Variants in SNX18 observed in about 807,000 individuals in gnomAD.
SNX18 encodes the protein sorting nexin-18.
In SNX18, 35 loss-of-function variants were observed where a neutral mutation model predicts 48.7. The ratio of observed to expected loss-of-function variants is 0.72; its 90% CI spans 0.55 to 0.95. The LOEUF is 0.95. SNX18 is among the 40% of genes least tolerant of loss of function. The pLI, the probability that SNX18 is intolerant of heterozygous loss-of-function variation, is 0.00. For synonymous variants in SNX18, 492 were observed against 384.7 expected, an observed-to-expected ratio of 1.28 and a Z score of -3.26; for missense variants, 824 against 871.0, an observed-to-expected ratio of 0.95 and a Z score of 0.68.
chr5:54,578,758 A>G, the SNX18 span, among the ~76,000 whole-genome samples: 1 of 152,100 alleles, frequency 6.6e-6, no homozygotes, highest in South Asian at 2.1e-4. Flanking sequence ...ATGACCCCGG[A>G]TCCTTAGGAT....
chr5:54,526,576 T>TA (rs1458182052), intron 1 of SNX18, among the ~76,000 whole-genome samples: 1 of 152,180 alleles, frequency 6.6e-6, no homozygotes, highest in Non-Finnish European at 1.5e-5. Context: ...GAAGGGGAGA[T>TA]AAAATCATTA....
chr5:54,534,934 G>T (rs72765738), intron 1 of SNX18, among the ~76,000 whole-genome samples: 7 of 152,054 alleles, frequency 4.6e-5, no homozygotes, highest in African/African-American at 1.7e-4. Flanking sequence ...AAGTGTTAGC[G>T]TTTACTGATG....
the SNX18 span, among the ~76,000 whole-genome samples, chr5:54,554,515 G>A: frequency 2.6e-5 from 4 of 152,220 alleles, no homozygotes; most frequent in Non-Finnish European, 5.9e-5. Context: ...GTCACAGAGA[G>A]TCAGTGAAGG....
intron 1 of SNX18, among the ~76,000 whole-genome samples, chr5:54,521,366 T>C (rs1191128319): frequency 6.6e-6 from 1 of 152,232 alleles, no homozygotes; most frequent in African/African-American, 2.4e-5. Flanking sequence ...GTGTGTGTTC[T>C]AATATCTATT....
chr5:54,553,665 TTGAC>T, the SNX18 span, among the ~76,000 whole-genome samples: 1 of 152,222 alleles, frequency 6.6e-6, no homozygotes, highest in East Asian at 1.9e-4. Context: ...ATGTAACAGA[TTGAC>T]TGAGGTCAGA....
At chr5:54,561,288 G>T in the SNX18 span, among the ~76,000 whole-genome samples, 2 of 151,748 alleles carry the variant, frequency 1.3e-5, no homozygotes, top group East Asian at 3.9e-4. Flanking sequence ...TGATCCACCC[G>T]CCTCAGCCTC....
the SNX18 span, among the ~76,000 whole-genome samples, chr5:54,571,215 T>C: frequency 1.3e-5 from 2 of 151,844 alleles, no homozygotes; most frequent in African/African-American, 2.4e-5. Context: ...CATGGGCACA[T>C]GGGGAAAGGA....
At chr5:54,590,914 C>T in the SNX18 span, among the ~76,000 whole-genome samples, 2 of 152,070 alleles carry the variant, frequency 1.3e-5, no homozygotes, top group African/African-American at 2.4e-5. Context: ...AGTAAATGTT[C>T]ATTTGATATG....
At chr5:54,552,532 T>C in the SNX18 span, among the ~76,000 whole-genome samples, 3 of 152,206 alleles carry the variant, frequency 2.0e-5, no homozygotes, top group Non-Finnish European at 2.9e-5. Context: ...AACCAAATCA[T>C]CGTCATCTAA....
the SNX18 span, among the ~76,000 whole-genome samples, chr5:54,570,604 C>G: frequency 6.6e-6 from 1 of 152,202 alleles, no homozygotes; most frequent in Non-Finnish European, 1.5e-5. Context: ...TAATCTCTCT[C>G]ATAGACTTCC....
chr5:54,627,929 C>T, the SNX18 span, among the ~76,000 whole-genome samples: 2 of 152,144 alleles, frequency 1.3e-5, no homozygotes, highest in African/African-American at 2.4e-5. Flanking sequence ...TTCTTGAGCT[C>T]CTGGAGCCTT....
downstream of SNX18, among the ~76,000 whole-genome samples, chr5:54,548,056 A>G (rs1035700094): frequency 6.6e-6 from 1 of 152,178 alleles, no homozygotes; most frequent in African/African-American, 2.4e-5. Context: ...AGGTGGGGGA[A>G]GTTAATCTGG....
the SNX18 span, among the ~76,000 whole-genome samples, chr5:54,561,089 C>G: frequency 8.5e-5 from 13 of 152,350 alleles, 2 homozygotes; most frequent in South Asian, 2.7e-3. Flanking sequence ...ATTGCCCAGG[C>G]TGGAGGGCAA....
chr5:54,617,049 A>T, the SNX18 span, among the ~76,000 whole-genome samples: 4 of 152,188 alleles, frequency 2.6e-5, no homozygotes, highest in African/African-American at 9.7e-5. Context: ...AGGTCTCTTG[A>T]TTTTGAGATA....
the SNX18 span, among the ~76,000 whole-genome samples, chr5:54,558,850 G>A: frequency 6.6e-6 from 1 of 152,004 alleles, no homozygotes; most frequent in African/African-American, 2.4e-5. Context: ...GGTTTACCTG[G>A]TACCCATGTT....
chr5:54,590,864 G>A, the SNX18 span, among the ~76,000 whole-genome samples: 1 of 152,102 alleles, frequency 6.6e-6, no homozygotes, highest in East Asian at 1.9e-4. Flanking sequence ...AGCATGGCAT[G>A]GTTATCTCCT....
intron 1 of SNX18, among the ~76,000 whole-genome samples, chr5:54,536,537 T>TG (rs1231443973): frequency 6.6e-6 from 1 of 152,200 alleles, no homozygotes. Flanking sequence ...GCTTCATCCA[T>TG]GTCCCTACAA....
chr5:54,518,819 CA>C lies in SNX18; in HGVS notation c.869del (p.Lys290ArgfsTer3). 2.5e-6 allele frequency: 4 copies of C among 1,607,088 alleles called. No individual in the cohort carries two copies. The highest frequency in any genetic ancestry group is 3.4e-6 in the Non-Finnish European group (4 of 1,175,996). ...ACGACCCCACCAAGCAGACCAAGTT[CA>C]AGGGCATGAAGAGCTACATCTCCTA... Reference protein sequence around the residue: ...IDDPTKQTKFKGMKSYISYKL... With the variant: ...IDDPTKQTKFXGMKSYISYKL... On this transcript the variant is annotated frameshift_variant, in exon 1 of 2. Coordinates refer to ENST00000381410, the MANE Select transcript of SNX18 (RefSeq NM_001102575.2). LOFTEE classifies it high-confidence loss of function.
chr5:54,635,150 T>C, the SNX18 span, among the ~76,000 whole-genome samples: 1 of 151,812 alleles, frequency 6.6e-6, no homozygotes, highest in Admixed American at 6.6e-5. Context: ...TTGTGTTTTT[T>C]GTGTTTTCTA....
Sources: gnomAD v4.1 joint callset for allele counts (sites outside exome capture counted in the v4.1 genomes callset) on GRCh38, gnomAD v4.1.1 for gene constraint, MANE v1.5 for transcripts, NCBI Gene and HGNC (gene_info 2026-07-23, HGNC 2026-07-21) for gene names.